WWOX: variants seen among roughly 807,000 people sequenced by gnomAD.
WWOX encodes the protein WW domain-containing oxidoreductase.
Under a neutral mutation model 46.2 loss-of-function variants are expected in WWOX, and 69 were observed. The ratio of observed to expected loss-of-function variants is 1.49; its 90% confidence interval spans 1.23 to 1.82. WWOX has a LOEUF of 1.82. WWOX is among the 40% of genes most tolerant of loss of function. The pLI, the probability that WWOX is intolerant of heterozygous loss-of-function variation, is 0.00. For synonymous variants in WWOX, 359 were observed against 202.6 expected, an observed-to-expected ratio of 1.77 and a Z score of -6.56; for missense variants, 919 against 542.6, an observed-to-expected ratio of 1.69 and a Z score of -6.89.
chr16:79,076,122 C>G (rs1410961187), intron 8 of WWOX, among the ~76,000 whole-genome samples: 1 of 152,154 alleles, frequency 6.6e-6, no homozygotes, highest in African/African-American at 2.4e-5. Flanking sequence ...AAGAGTAAGA[C>G]CAGCCTACGC....
At chr16:78,821,860 T>C (rs970926743) in intron 8 of WWOX, among the ~76,000 whole-genome samples, 226 of 152,248 alleles carry the variant, frequency 1.5e-3, no homozygotes, top group African/African-American at 4.8e-3. Flanking sequence ...TCATCTCCAA[T>C]TCCCATCTTC....
intron 8 of WWOX, among the ~76,000 whole-genome samples, chr16:78,601,993 C>G (rs972743925): frequency 3.9e-5 from 6 of 152,156 alleles, no homozygotes; most frequent in African/African-American, 1.4e-4. Flanking sequence ...ATTATAGAGT[C>G]AGGCAAACAA....
At chr16:79,055,299 T>C (rs11645695) in intron 8 of WWOX, among the ~76,000 whole-genome samples, 1 of 152,070 alleles carries the variant, frequency 6.6e-6, no homozygotes, top group African/African-American at 2.4e-5. Flanking sequence ...GTGATAAAGA[T>C]GAATATCAAT....
At chr16:78,486,704 G>A (rs1050491359) in intron 8 of WWOX, among the ~76,000 whole-genome samples, 2 of 152,188 alleles carry the variant, frequency 1.3e-5, no homozygotes, top group Non-Finnish European at 2.9e-5. Context: ...CTCCCGCGTA[G>A]CTGGGATTAC....
At position 78,758,114 on chromosome 16, in the gene WWOX, A is replaced by AAT. The variant is rs562351833; in HGVS notation, c.1056+325363_1056+325364dup. Among the ~76,000 whole-genome samples, 518 of 152,328 alleles carry AAT rather than the reference A, an allele frequency of 3.4e-3. 5 individuals carry two copies. Among genetic ancestry groups the AAT allele is most frequent in the Middle Eastern group, 0.017 (5 of 294 alleles). ...TAATGTTGAAATTTTTCTTTAAATC[A>AAT]ATTCATAGATTCATTAACTTTGTTT... is the stretch of plus-strand genomic sequence containing the variant. On this transcript the variant is annotated intron_variant, in intron 8 of 8. Transcript: ENST00000566780.
chr16:78,806,644 C>G (rs563505747), intron 8 of WWOX, among the ~76,000 whole-genome samples: 5 of 152,046 alleles, frequency 3.3e-5, no homozygotes, highest in Non-Finnish European at 7.4e-5. Flanking sequence ...CAAGGGTGAG[C>G]GTCCCAAGAG....
At chr16:78,687,003 G>A (rs1475354754) in intron 8 of WWOX, among the ~76,000 whole-genome samples, 1 of 152,126 alleles carries the variant, frequency 6.6e-6, no homozygotes, top group Non-Finnish European at 1.5e-5. Context: ...TTTTCCTTAT[G>A]TTTCCCCAGT....
chr16:78,832,813 T>A (rs2051868408), intron 8 of WWOX, among the ~76,000 whole-genome samples: 1 of 152,176 alleles, frequency 6.6e-6, no homozygotes, highest in Non-Finnish European at 1.5e-5. Flanking sequence ...TTCTGTGATA[T>A]TCATTACAGA....
intron 8 of WWOX, among the ~76,000 whole-genome samples, chr16:78,828,195 G>T (rs1233509653): frequency 6.6e-6 from 1 of 152,154 alleles, no homozygotes; most frequent in East Asian, 1.9e-4. Context: ...GGAGTTGGGG[G>T]CTGAGGACTT....
At chr16:78,845,089 C>G (rs11640525) in intron 8 of WWOX, among the ~76,000 whole-genome samples, 1 of 150,828 alleles carries the variant, frequency 6.6e-6, no homozygotes, top group Non-Finnish European at 1.5e-5. Flanking sequence ...TTGTCTCCTC[C>G]TATTTAATAG....
chr16:79,146,428 G>C (rs192263849), intron 8 of WWOX, among the ~76,000 whole-genome samples: 3 of 152,030 alleles, frequency 2.0e-5, no homozygotes, highest in African/African-American at 4.8e-5. Context: ...TGCTGCATCC[G>C]ATCACAGGTC....
Position 79,118,414 on chromosome 16 carries a change from T to C in WWOX, c.1057-93194T>C, listed in dbSNP as rs563191007. On this transcript the variant is annotated intron_variant, in intron 8 of 8. Transcript: ENST00000566780. ...TGATCACAGATCACCAAAACTGATA[T>C]AATAATAATTTAAAAGCTTGAAATA... is the stretch of plus-strand genomic sequence containing the variant. Among the ~76,000 whole-genome samples the C allele has an allele frequency of 7.1e-4, 108 of 152,300 alleles. 1 individual carries two copies. The highest frequency in any genetic ancestry group is 1.4e-3 in the Non-Finnish European group (92 of 68,018).
At chr16:78,997,669 C>T (rs1048316297) in intron 8 of WWOX, among the ~76,000 whole-genome samples, 1 of 152,094 alleles carries the variant, frequency 6.6e-6, no homozygotes, top group African/African-American at 2.4e-5. Context: ...TGTCTCTCCC[C>T]TCTCCTCCCC....
intron 8 of WWOX, among the ~76,000 whole-genome samples, chr16:78,439,344 G>A (rs574650478): frequency 3.5e-4 from 54 of 152,272 alleles, no homozygotes; most frequent in African/African-American, 1.2e-3. Context: ...GGACCACACT[G>A]GCGCTTTCCT....
intron 6 of WWOX, among the ~76,000 whole-genome samples, chr16:78,394,515 A>G (rs1198886193): frequency 6.6e-6 from 1 of 152,202 alleles, no homozygotes; most frequent in African/African-American, 2.4e-5. Flanking sequence ...CTTTTTCAGC[A>G]TTCAGTCTTT....
At chr16:78,463,949 A>G (rs969267421) in intron 8 of WWOX, among the ~76,000 whole-genome samples, 5 of 152,124 alleles carry the variant, frequency 3.3e-5, no homozygotes, top group East Asian at 3.9e-4. Flanking sequence ...CTGCCTTTCC[A>G]TTAAGTGAGT....
intron 8 of WWOX, among the ~76,000 whole-genome samples, chr16:79,010,119 T>C (rs1017057459): frequency 6.6e-6 from 1 of 152,186 alleles, no homozygotes; most frequent in African/African-American, 2.4e-5. Flanking sequence ...TCCACCTTAC[T>C]CATGCCTAGA....
At chr16:78,370,217 T>C (rs1356875770) in intron 5 of WWOX, among the ~76,000 whole-genome samples, 1 of 150,468 alleles carries the variant, frequency 6.6e-6, no homozygotes, top group Non-Finnish European at 1.5e-5. Flanking sequence ...GATTGTAAAC[T>C]CTCTTTACAA....
chr16:78,712,194 C>T lies in WWOX; in HGVS notation c.1056+279442C>T, dbSNP rs376001663. Among the ~76,000 whole-genome samples, 116 of 152,094 alleles carry T rather than the reference C, an allele frequency of 7.6e-4. 2 individuals carry two copies. The South Asian group carries it at 0.018, about 23-fold the overall frequency. On this transcript the variant is annotated intron_variant, in intron 8 of 8. Coordinates refer to ENST00000566780, the MANE Select transcript of WWOX (RefSeq NM_016373.4). ...TGGGATAGGCTCATTCAGGGTGGTACGGCTGTAGACAAAATGCTATATGCA... is the reference window on the plus strand; with the variant it reads ...TGGGATAGGCTCATTCAGGGTGGTATGGCTGTAGACAAAATGCTATATGCA...
Sources: gnomAD v4.1 joint callset for allele counts (sites outside exome capture counted in the v4.1 genomes callset) on GRCh38, gnomAD v4.1.1 for gene constraint, MANE v1.5 for transcripts, NCBI Gene and HGNC (gene_info 2026-07-23, HGNC 2026-07-21) for gene names.